The following PALMD variants were observed in gnomAD, a reference collection of about 807,000 sequenced individuals.
The protein encoded by PALMD is palmdelphin, also known as paralemmin-like protein.
Under a neutral mutation model 56.2 loss-of-function variants are expected in PALMD, and 42 were observed. The observed-to-expected ratio is 0.75, with a 90% CI of 0.58 to 0.97. The LOEUF (loss-of-function observed/expected upper bound fraction) is 0.97, where lower values mean the gene tolerates loss of function less well. PALMD is among the 50% of genes least tolerant of loss of function. PALMD has a pLI of 0.00. For synonymous variants in PALMD, 242 were observed against 222.9 expected (o/e 1.09, Z -0.76); for missense variants, 660 against 643.8 (o/e 1.03, Z -0.27).
At chr1:99,690,083 T>G in intron 7 of PALMD, 1 of 510,508 alleles carries the variant, frequency 2.0e-6, no homozygotes, top group Non-Finnish European at 3.4e-6. Context: ...AATCATTGCC[T>G]TATTTGATAT....
intron 3 of PALMD, among the ~76,000 whole-genome samples, chr1:99,680,112 A>C (rs532830673): frequency 6.6e-6 from 1 of 152,210 alleles, no homozygotes; most frequent in Non-Finnish European, 1.5e-5. Flanking sequence ...AACTCCACCA[A>C]AAGCTGAGAG....
At chr1:99,687,055 G>T in intron 5 of PALMD, 21 bp from the exon 6 acceptor site, 1 of 1,552,074 alleles carries the variant, frequency 6.4e-7, no homozygotes. Flanking sequence ...AATGTATTTT[G>T]AATTCATATT....
chr1:99,674,234 TAA>T (rs1653154851), intron 3 of PALMD, among the ~76,000 whole-genome samples: 1 of 152,086 alleles, frequency 6.6e-6, no homozygotes, highest in Non-Finnish European at 1.5e-5. Context: ...TTAGTAGAAA[TAA>T]AGATTAAATG....
intron 3 of PALMD, chr1:99,684,408 G>A (rs1021383593): frequency 2.6e-5 from 4 of 152,160 alleles, no homozygotes; most frequent in African/African-American, 9.7e-5. Flanking sequence ...TTGAGCTCAG[G>A]GACTTTGTTT....
intron 7 of PALMD, among the ~76,000 whole-genome samples, chr1:99,691,288 C>T (rs1263508960): frequency 6.6e-6 from 1 of 152,120 alleles, no homozygotes; most frequent in East Asian, 1.9e-4. Flanking sequence ...CTTTTCTGAA[C>T]TTGGATATTA....
chr1:99,663,445 G>T (rs998628910), intron 2 of PALMD, among the ~76,000 whole-genome samples: 3 of 151,666 alleles, frequency 2.0e-5, no homozygotes, highest in Admixed American at 6.6e-5. Context: ...AAAAAAAAAA[G>T]TTCCAAGTTG....
intron 2 of PALMD, among the ~76,000 whole-genome samples, chr1:99,662,724 G>C (rs377508916): frequency 1.3e-5 from 2 of 152,180 alleles, no homozygotes; most frequent in Non-Finnish European, 2.9e-5. Context: ...TCCCTAGGGA[G>C]TGGATCCAGC....
intron 3 of PALMD, among the ~76,000 whole-genome samples, chr1:99,672,902 C>G (rs1408625307): frequency 6.6e-6 from 1 of 152,000 alleles, no homozygotes; most frequent in Non-Finnish European, 1.5e-5. Flanking sequence ...CTTCTGCCTT[C>G]TTTTAATGAA....
At chr1:99,693,901 C>T in intron 7 of PALMD, 118 bp from the exon 8 acceptor site, 1 of 696,968 alleles carries the variant, frequency 1.4e-6, no homozygotes, top group African/African-American at 1.8e-5. Flanking sequence ...AATGCTCACA[C>T]TGTTGGATAA....
intron 1 of PALMD, among the ~76,000 whole-genome samples, chr1:99,661,086 C>T (rs1349328695): frequency 1.3e-5 from 2 of 152,178 alleles, no homozygotes; most frequent in African/African-American, 2.4e-5. Context: ...AATGCACTTA[C>T]ATCAATAATG....
intron 3 of PALMD, chr1:99,669,513 T>A (rs1653040140): frequency 6.6e-6 from 1 of 152,168 alleles, no homozygotes; most frequent in Non-Finnish European, 1.5e-5. Context: ...AGTCCTGAAT[T>A]TAATCCCCGT....
intron 3 of PALMD, among the ~76,000 whole-genome samples, chr1:99,671,932 G>T (rs1044035979): frequency 2.0e-5 from 3 of 152,094 alleles, no homozygotes; most frequent in African/African-American, 4.8e-5. Flanking sequence ...AAATAAAATT[G>T]CACCTCAGAG....
At chr1:99,664,335 C>T (rs1652915386) in intron 2 of PALMD, among the ~76,000 whole-genome samples, 1 of 152,110 alleles carries the variant, frequency 6.6e-6, no homozygotes, top group Non-Finnish European at 1.5e-5. Context: ...GGGATTCAAG[C>T]TGAGTCTTAA....
chr1:99,646,484 C>T, intron 1 of PALMD, 122 bp downstream of exon 1: 1 of 761,822 alleles, frequency 1.3e-6, no homozygotes. Flanking sequence ...CCTTCATGGA[C>T]GAGTCTCTGT....
intron 7 of PALMD, among the ~76,000 whole-genome samples, chr1:99,690,362 A>G (rs1653627079): frequency 1.3e-5 from 2 of 152,136 alleles, no homozygotes; most frequent in Admixed American, 6.5e-5. Context: ...CTATATGTCT[A>G]TAGTTTCATT....
chr1:99,691,064 C>T lies in PALMD; in HGVS notation c.1612+1192C>T, dbSNP rs112809050. ...TTTCTAAGCTTTTGGAAAGTATACA[C>T]GTATACAACTTCCTCAATCAGAGTT... On this transcript the variant is annotated intron_variant, in intron 7 of 7. Transcript: ENST00000263174. 4.6e-5 allele frequency among the ~76,000 whole-genome samples: 7 copies of T among 152,224 alleles called. No homozygotes were observed. The East Asian group carries it at 5.8e-4, about 13-fold the overall frequency.
chr1:99,666,298 A>T (rs1652958450), intron 2 of PALMD, among the ~76,000 whole-genome samples: 1 of 151,930 alleles, frequency 6.6e-6, no homozygotes, highest in African/African-American at 2.4e-5. Context: ...AAAAATAATC[A>T]TCCTTTGGTA....
At chr1:99,673,799 A>G (rs956766006) in intron 3 of PALMD, among the ~76,000 whole-genome samples, 1 of 152,194 alleles carries the variant, frequency 6.6e-6, no homozygotes, top group African/African-American at 2.4e-5. Flanking sequence ...ACACACATAC[A>G]AGCCCCTAGT....
rs1376240230 is a variant in PALMD, at chr1:99,689,458, G to A, written c.1198G>A (p.Val400Ile). 7 of 1,613,658 alleles carry A rather than the reference G, an allele frequency of 4.3e-6. No individual in the cohort carries two copies. Among genetic ancestry groups the A allele is most frequent in the Admixed American group, 3.3e-5 (2 of 59,918 alleles). Residue 400 changes from valine to isoleucine, a missense_variant, in exon 7 of 8, where the codon GTT (valine) becomes ATT (isoleucine). Physicochemically the swap from Val to Ile is conservative, Grantham distance 29 (BLOSUM62 3). Coordinates refer to ENST00000263174, the MANE Select transcript of PALMD (RefSeq NM_017734.5). ...CGAGGAAGATGTCAGATATAATATC[G>A]TTCATTCCCTGCCTCCAGACATAAA... ...EDEEDVRYNI[V>I]HSLPPDINDT...
Sources: allele counts gnomAD v4.1 joint callset (sites outside exome capture counted in the v4.1 genomes callset), GRCh38; gene constraint gnomAD v4.1.1; transcripts MANE v1.5; gene names NCBI Gene and HGNC (gene_info 2026-07-23, HGNC 2026-07-21).